Variants in BDH1 observed in about 807,000 individuals in gnomAD.
The protein encoded by BDH1 is D-beta-hydroxybutyrate dehydrogenase, mitochondrial.
In BDH1, 30 loss-of-function variants were observed where a neutral mutation model predicts 33.1. The ratio of observed to expected loss-of-function variants is 0.91; its 90% CI spans 0.68 to 1.23. The LOEUF is 1.23. BDH1 is among the 50% of genes most tolerant of loss of function. The probability of loss-of-function intolerance (pLI) is 0.00; values close to 1 mark genes in which losing one functional copy is unlikely to be tolerated. For synonymous variants in BDH1, 190 were observed against 183.6 expected (o/e 1.03, Z -0.28); for missense variants, 443 against 464.4 (o/e 0.95, Z 0.42).
At chr3:197,524,578 C>A (rs1713897982) in intron 5 of BDH1, among the ~76,000 whole-genome samples, 1 of 152,236 alleles carries the variant, frequency 6.6e-6, no homozygotes, top group African/African-American at 2.4e-5. Context: ...ACTGAGGGAG[C>A]CAGCTTGTTC....
At chr3:197,545,264 T>C (rs1715976822) in intron 3 of BDH1, among the ~76,000 whole-genome samples, 2 of 152,130 alleles carry the variant, frequency 1.3e-5, no homozygotes, top group Admixed American at 1.3e-4. Context: ...TTCCAGAAGC[T>C]CTCAAAGAAG....
At chr3:197,524,440 A>G (rs1163351461) in intron 5 of BDH1, among the ~76,000 whole-genome samples, 1 of 152,166 alleles carries the variant, frequency 6.6e-6, no homozygotes, top group Non-Finnish European at 1.5e-5. Flanking sequence ...AAGAACCCCA[A>G]CCCCGGGAAT....
At chr3:197,524,648 G>A (rs1343210353) in intron 5 of BDH1, among the ~76,000 whole-genome samples, 4 of 151,790 alleles carry the variant, frequency 2.6e-5, no homozygotes, top group East Asian at 1.9e-4. Flanking sequence ...AAAATGAGGC[G>A]TGATCTTCAC....
At chr3:197,529,072 C>G (rs1714402304) in intron 5 of BDH1, 3 of 152,202 alleles carry the variant, frequency 2.0e-5, no homozygotes, top group South Asian at 4.1e-4. Flanking sequence ...GAATCCAGCA[C>G]CAGGGATGCC....
intron 3 of BDH1, among the ~76,000 whole-genome samples, chr3:197,537,879 G>T (rs1335950609): frequency 2.6e-5 from 4 of 152,170 alleles, no homozygotes; most frequent in Non-Finnish European, 5.9e-5. Context: ...CTACTGCACT[G>T]GTCATTTGGC....
intron 6 of BDH1, chr3:197,515,833 G>T: frequency 1.7e-6 from 1 of 574,328 alleles, no homozygotes; most frequent in Non-Finnish European, 2.2e-6. Context: ...GAACCCAGGA[G>T]GCAGAGGTTG....
intron 3 of BDH1, among the ~76,000 whole-genome samples, chr3:197,545,660 A>C (rs562416556): frequency 6.6e-6 from 1 of 152,372 alleles, no homozygotes; most frequent in South Asian, 2.1e-4. Flanking sequence ...CACTGGAATA[A>C]GGTCTGTAGA....
chr3:197,538,311 C>G, intron 3 of BDH1: 1 of 456,512 alleles, frequency 2.2e-6, no homozygotes, highest in Non-Finnish European at 4.4e-6. Context: ...CTTACCTTTT[C>G]TGTATACCAT....
rs150654029 is a variant in BDH1 at position 197,561,393 on chromosome 3, CCT to C, written c.-44+11786_-44+11787del. Among the ~76,000 whole-genome samples, 927 of 152,238 alleles carry C rather than the reference CCT, an allele frequency of 6.1e-3. 10 individuals are homozygous for C. Among genetic ancestry groups the C allele is most frequent in the African/African-American group, 0.022 (898 of 41,520 alleles). ...GCTTCCAACAAGGAAGGCAAGATTT[CCT>C]CTTTCCATGACGATAGAAGGCAGAC... On this transcript the variant is annotated intron_variant, in intron 1 of 6. Coordinates refer to the BDH1 transcript ENST00000358186.
Position 197,512,150 on chromosome 3 carries a change from C to T in BDH1, c.777G>A (p.Lys259=), listed in dbSNP as rs1579844857. The T allele has an allele frequency of 6.2e-7, 1 of 1,614,050 alleles. No individual in the cohort carries two copies. The highest frequency in any genetic ancestry group is 1.3e-5 in the African/African-American group (1 of 74,926). ...CGACCTCAGGCAGCTCCTCCCACATCTTCTTGGCGATGGCCTGAATGCTCT... is the reference window on the plus strand; with the variant it reads ...CGACCTCAGGCAGCTCCTCCCACATTTTCTTGGCGATGGCCTGAATGCTCT... The part of the protein sequence containing the change: ...SPESIQAIAK[K]MWEELPEVVR... Residue 259 remains lysine (K), a synonymous_variant, in exon 8 of 8, where the codon AAG becomes AAA. Coordinates refer to ENST00000392379, the MANE Select transcript of BDH1 (RefSeq NM_203314.3).
intron 3 of BDH1, among the ~76,000 whole-genome samples, chr3:197,542,322 C>T (rs957073046): frequency 6.6e-6 from 1 of 152,174 alleles, no homozygotes; most frequent in African/African-American, 2.4e-5. Context: ...GCTAAGAATG[C>T]CCATGAGGCG....
upstream of BDH1, among the ~76,000 whole-genome samples, chr3:197,558,782 G>A (rs961280493): frequency 4.6e-5 from 7 of 152,150 alleles, no homozygotes; most frequent in Non-Finnish European, 7.3e-5. Context: ...AGGATGTGGC[G>A]AGGCCACTCT....
upstream of BDH1, among the ~76,000 whole-genome samples, chr3:197,560,703 G>A (rs897009039): frequency 6.6e-6 from 1 of 152,192 alleles, no homozygotes; most frequent in Admixed American, 6.5e-5. Context: ...TCAAACAGGT[G>A]TGAAAGGAAA....
chr3:197,547,763 T>C (rs886637557), intron 2 of BDH1, among the ~76,000 whole-genome samples: 24 of 152,216 alleles, frequency 1.6e-4, no homozygotes, highest in African/African-American at 4.6e-4. Flanking sequence ...GCCACCCTCC[T>C]CTTTGCTCAC....
intron 5 of BDH1, chr3:197,529,105 C>A (rs533802810): frequency 2.0e-5 from 3 of 152,326 alleles, no homozygotes; most frequent in Admixed American, 1.3e-4. Context: ...CAGAACCCTC[C>A]CCAGACGGGT....
At chr3:197,544,411 C>A (rs1023196793) in intron 3 of BDH1, among the ~76,000 whole-genome samples, 12 of 152,222 alleles carry the variant, frequency 7.9e-5, no homozygotes, top group Non-Finnish European at 8.8e-5. Flanking sequence ...CATTTAAGAA[C>A]AAAACCTTTG....
Position 197,526,457 on chromosome 3 carries a change from C to G in BDH1, c.268-3676G>C, listed in dbSNP as rs1714106471. 6.6e-6 allele frequency among the ~76,000 whole-genome samples: 1 copy of G among 152,234 alleles called. No homozygotes were observed. Among genetic ancestry groups the G allele is most frequent in the African/African-American group, 2.4e-5 (1 of 41,460 alleles). On this transcript the variant is annotated intron_variant, in intron 5 of 7. Coordinates refer to ENST00000392379, the MANE Select transcript of BDH1 (RefSeq NM_203314.3). This position sits in a 1 kb window ranked among gnomAD's most constrained non-coding sequence, Gnocchi z 4.7. The stretch of plus-strand genomic sequence containing the variant: ...GAGAGAGCAGGTGCACAAAAGCCAG[C>G]TCTTCCTTCTTGGGGTGCTTCTGTG...
upstream of BDH1, among the ~76,000 whole-genome samples, chr3:197,560,619 A>T (rs916898926): frequency 2.6e-5 from 4 of 152,218 alleles, no homozygotes; most frequent in Non-Finnish European, 5.9e-5. Context: ...TTTCTGTAGA[A>T]AGTATAAAAA....
Position 197,511,935 on chromosome 3 carries a change from TG to T in BDH1, c.991del (p.His331ThrfsTer9). 1 of 1,578,982 alleles carries T rather than the reference TG, an allele frequency of 6.3e-7. No homozygotes were observed. The highest frequency in any genetic ancestry group is 8.6e-7 in the Non-Finnish European group (1 of 1,159,172). ...YWWLRMQIMT[H>X]LPGAISDMIY... ...CATGTCGGAGATGGCTCCAGGCAAG[TG>T]GGTCATGATCTGCATTCGCAGCCAC... On this transcript the variant is annotated frameshift_variant, in exon 8 of 8. Coordinates refer to ENST00000392379, the MANE Select transcript of BDH1 (RefSeq NM_203314.3). LOFTEE classifies it high-confidence loss of function.
Sources: allele counts gnomAD v4.1 joint callset (sites outside exome capture counted in the v4.1 genomes callset), GRCh38; gene constraint gnomAD v4.1.1; non-coding constraint Gnocchi (gnomAD v3.1); transcripts MANE v1.5; gene names NCBI Gene and HGNC (gene_info 2026-07-23, HGNC 2026-07-21).